The following KMT2C variants were observed in gnomAD, a reference collection of about 807,000 sequenced individuals.
KMT2C encodes lysine methyltransferase 2C, also known as histone-lysine N-methyltransferase 2C.
A neutral mutation model predicts 507.9 loss-of-function variants in KMT2C; 88 were observed. That is an observed-to-expected ratio of 0.17 (90% CI 0.15 to 0.21). The LOEUF (loss-of-function observed/expected upper bound fraction) is 0.21. Ranked by LOEUF, KMT2C falls within the 10% of genes least tolerant of loss-of-function variation. The pLI is 1.00. For synonymous variants in KMT2C, 2,049 were observed against 2,080.8 expected, an observed-to-expected ratio of 0.98 and a Z score of 0.42; for missense variants, 4,954 against 5,957.8, an observed-to-expected ratio of 0.83 and a Z score of 5.55.
chr7:152,386,223 AAGGG>A (rs2097424875), intron 1 of KMT2C, among the ~76,000 whole-genome samples: 1 of 47,430 alleles, frequency 2.1e-5, no homozygotes. Context: ...AAAAAAAAAA[AAGGG>A]ACAATAGTAG....
chr7:152,215,441 G>A lies in KMT2C; in HGVS notation c.3712+5082C>T, dbSNP rs536204705. 2.6e-4 allele frequency among the ~76,000 whole-genome samples: 38 copies of A among 148,310 alleles called. No individual in the cohort carries two copies. The East Asian group carries it at 6.6e-3, about 26-fold the overall frequency. On this transcript the variant is annotated intron_variant, in intron 23 of 58. Coordinates refer to ENST00000262189, the MANE Select transcript of KMT2C (RefSeq NM_170606.3). ...AGGCAGGAGAATGGCGTGAACCCAG[G>A]AGGCGGAGCTTGCAGTGAGCAAAGA... is the stretch of plus-strand genomic sequence containing the variant.
chr7:152,371,999 A>G, intron 1 of KMT2C, among the ~76,000 whole-genome samples: 1 of 152,076 alleles, frequency 6.6e-6, no homozygotes, highest in East Asian at 1.9e-4. Context: ...ACTACCAAAA[A>G]ATCGTCAAAT....
chr7:152,363,283 C>A (rs2097211397), intron 1 of KMT2C, among the ~76,000 whole-genome samples: 1 of 152,094 alleles, frequency 6.6e-6, no homozygotes, highest in South Asian at 2.1e-4. Flanking sequence ...TCTCTTAACC[C>A]TTTCATTTCA....
At chr7:152,309,534 T>A (rs572818356) in intron 6 of KMT2C, among the ~76,000 whole-genome samples, 33 of 135,134 alleles carry the variant, frequency 2.4e-4, no homozygotes, top group South Asian at 1.5e-3. Context: ...TTTTTTTTTT[T>A]AATTAAACGG....
chr7:152,268,236 G>A (rs7787008), intron 7 of KMT2C, among the ~76,000 whole-genome samples: 6 of 151,954 alleles, frequency 3.9e-5, no homozygotes, highest in African/African-American at 1.2e-4. Context: ...TGGAGTTTGC[G>A]CCACTGCACT....
intron 14 of KMT2C, among the ~76,000 whole-genome samples, chr7:152,247,532 T>C (rs2095491421): frequency 6.6e-6 from 1 of 152,306 alleles, no homozygotes; most frequent in African/African-American, 2.4e-5. Flanking sequence ...AATAAATATA[T>C]TAGAAGGAAA....
At position 152,148,709 on chromosome 7, in the gene KMT2C, A is replaced by G. The variant is rs138109832; in HGVS notation, c.13218T>C (p.His4406=). Residue 4406 remains histidine (H), a synonymous_variant, in exon 52 of 59, where the codon CAT becomes CAC. Transcript: ENST00000262189. The surrounding 1 kb of genome is among the most constrained non-coding windows in gnomAD (Gnocchi z 7.1). ...PKDYRKCCFC[H]EEGDGLTDGP... is the part of the protein sequence containing the mutation. ...CATCTGTCAATCCATCACCTTCTTC[A>G]TGACAAAAGCAACATTTCCGATAGT... is the stretch of plus-strand genomic sequence containing the variant. The G allele has an allele frequency of 3.7e-6, 6 of 1,614,110 alleles. No homozygotes were observed. The African/African-American group carries it at 6.7e-5, about 18-fold the overall frequency.
intron 6 of KMT2C, among the ~76,000 whole-genome samples, chr7:152,295,117 T>C (rs1464742873): frequency 6.6e-6 from 1 of 152,184 alleles, no homozygotes; most frequent in African/African-American, 2.4e-5. Context: ...TCAAATACTA[T>C]GCATTCTATT....
chr7:152,177,988 G>A lies in KMT2C; in HGVS notation c.7465C>T (p.His2489Tyr), dbSNP rs2129115760. The change falls in exon 38 of 59, where the codon CAT becomes TAT. Residue 2489 changes from histidine to tyrosine, a missense_variant. Coordinates refer to ENST00000262189, the MANE Select transcript of KMT2C (RefSeq NM_170606.3). ...GFRFGFPGGS[H>Y]GTMPSQERFL... ...CGCTCTTGACTCGGCATGGTACCAT[G>A]ACTACCTCCTGGAAATCCAAATCTT... is the stretch of plus-strand genomic sequence containing the variant. 3 of 946,524 alleles carry A rather than the reference G, an allele frequency of 3.2e-6. No individual in the cohort carries two copies. Among genetic ancestry groups the A allele is most frequent in the Non-Finnish European group, 4.0e-6 (3 of 745,512 alleles). 58.6% of individuals were successfully genotyped at this position (946,524 alleles called of 1,614,324 possible).
intron 1 of KMT2C, among the ~76,000 whole-genome samples, chr7:152,362,904 T>C: frequency 6.6e-6 from 1 of 152,252 alleles, no homozygotes; most frequent in African/African-American, 2.4e-5. Flanking sequence ...CTTTTTACGT[T>C]GATCAATTCA....
Position 152,148,753 on chromosome 7 carries a change from G to A in KMT2C, c.13174C>T (p.Pro4392Ser), listed in dbSNP as rs2091367820. 6 of 1,614,224 alleles carry A rather than the reference G, an allele frequency of 3.7e-6. No individual in the cohort carries two copies. In the South Asian group the frequency reaches 4.4e-5, roughly 12 times the overall value. ...CGATAGTCTTTGGGCACAGGATCAG[G>A]TTTAAGGGAAGTGCCCAATTTCTTT... ...FLKKLGTSLK[P>S]DPVPKDYRKC... is the part of the protein sequence containing the mutation. The change falls in exon 52 of 59, where the codon CCT (proline) becomes TCT (serine). Residue 4392 changes from proline (P) to serine (S), a missense_variant. By Grantham distance (74) the Pro-to-Ser change is moderately conservative. Around this residue, in one of 29 missense-constraint regions of KMT2C, gnomAD observed 417 missense variants for 461.1 expected, o/e 0.90. Transcript: ENST00000262189. The surrounding 1 kb of genome is among the most constrained non-coding windows in gnomAD (Gnocchi z 7.1).
chr7:152,262,767 T>G (rs2095801212), intron 9 of KMT2C, among the ~76,000 whole-genome samples: 1 of 152,114 alleles, frequency 6.6e-6, no homozygotes, highest in Non-Finnish European at 1.5e-5. Flanking sequence ...AAAAGCAGAC[T>G]AGGAAGACAG....
At chr7:152,217,042 A>T (rs192315380) in intron 23 of KMT2C, among the ~76,000 whole-genome samples, 5 of 152,332 alleles carry the variant, frequency 3.3e-5, no homozygotes, top group Admixed American at 1.3e-4. Context: ...AAATTTGCCT[A>T]AAAACACCCA....
chr7:152,198,090 G>T (rs1405102940), intron 27 of KMT2C, among the ~76,000 whole-genome samples: 1 of 152,092 alleles, frequency 6.6e-6, no homozygotes, highest in Non-Finnish European at 1.5e-5. Flanking sequence ...AATATCCTTT[G>T]AAGGACCCAC....
chr7:152,191,850 AC>A (rs2093804355), intron 31 of KMT2C, among the ~76,000 whole-genome samples: 1 of 152,216 alleles, frequency 6.6e-6, no homozygotes, highest in Non-Finnish European at 1.5e-5. Context: ...CTTTGCCCTT[AC>A]ATTAGAACTA....
rs2093270650 is a variant in KMT2C, at chr7:152,177,835, G to C, written c.7618C>G (p.His2540Asp). The change falls in exon 38 of 59, where the codon CAT becomes GAT. Residue 2540 changes from histidine (H) to aspartate (D), a missense_variant. Physicochemically the swap from His to Asp is moderately conservative, Grantham distance 81. Around this residue, in one of 29 missense-constraint regions of KMT2C, gnomAD observed 1,689 missense variants for 1,654.3 expected, o/e 1.02. Transcript: ENST00000262189. ...ACTGGCAAGCTCTGTGGTGAAAAAT[G>C]CTGAGGAAGTCCAACTGGATTATTC... Reference protein sequence around the residue: ...QMNNPVGLPQHFSPQSLPVQQ... With the variant: ...QMNNPVGLPQDFSPQSLPVQQ... The C allele has an allele frequency of 6.2e-7, 1 of 1,613,800 alleles. No individual in the cohort carries two copies.
At chr7:152,312,853 G>C (rs993139050) in intron 4 of KMT2C, among the ~76,000 whole-genome samples, 3 of 151,872 alleles carry the variant, frequency 2.0e-5, no homozygotes, top group African/African-American at 7.3e-5. Flanking sequence ...TCATAATTCT[G>C]GATTAAATCA....
intron 46 of KMT2C, 53 bp downstream of exon 46, chr7:152,155,857 T>A (rs2092011465): frequency 6.6e-7 from 1 of 1,525,042 alleles, no homozygotes; most frequent in African/African-American, 1.4e-5. Context: ...TACATTTATT[T>A]TTTTTAAAAG....
chr7:152,321,603 CA>C (rs2096773736), intron 3 of KMT2C, among the ~76,000 whole-genome samples: 1 of 151,818 alleles, frequency 6.6e-6, no homozygotes, highest in Non-Finnish European at 1.5e-5. Flanking sequence ...ATACAAAAAT[CA>C]GTAGCATTTC....
Sources: gnomAD v4.1 joint callset for allele counts (sites outside exome capture counted in the v4.1 genomes callset) on GRCh38, gnomAD v4.1.1 for gene constraint, gnomAD v4.1.1 regional missense constraint, Gnocchi (gnomAD v3.1) non-coding constraint, MANE v1.5 for transcripts, NCBI Gene and HGNC (gene_info 2026-07-23, HGNC 2026-07-21) for gene names.